The following FAM111B variants were observed in gnomAD, a reference collection of about 807,000 sequenced individuals.
FAM111B encodes the protein serine protease FAM111B.
A neutral mutation model predicts 2.8 loss-of-function variants in FAM111B; 1 was observed. The ratio of observed to expected loss-of-function variants is 0.36; its 90% CI spans 0.13 to 1.70. The LOEUF is 1.70. Ranked by LOEUF, FAM111B falls within the 40% of genes most tolerant of loss-of-function variation. FAM111B has a pLI of 0.35. For synonymous variants in FAM111B, 297 were observed against 295.6 expected (o/e 1.00, Z -0.05); for missense variants, 882 against 878.9 (o/e 1.00, Z -0.04).
At chr11:59,109,291 A>T (rs1859717729) in intron 2 of FAM111B, among the ~76,000 whole-genome samples, 2 of 152,184 alleles carry the variant, frequency 1.3e-5, no homozygotes, top group Non-Finnish European at 2.9e-5. Context: ...GTACTCTGTC[A>T]TACAAGCTCC....
intron 3 of FAM111B, among the ~76,000 whole-genome samples, chr11:59,123,302 A>G (rs1859951720): frequency 6.6e-6 from 1 of 152,216 alleles, no homozygotes; most frequent in Admixed American, 6.5e-5. Flanking sequence ...AATTAGACAG[A>G]ATTTTATCTA....
Position 59,124,734 on chromosome 11 carries a change from A to G in FAM111B, c.637A>G (p.Ile213Val). 1 of 1,613,864 alleles carries G rather than the reference A, an allele frequency of 6.2e-7. No individual in the cohort carries two copies. Among genetic ancestry groups the G allele is most frequent in the Non-Finnish European group, 8.5e-7 (1 of 1,179,804 alleles). Residue 213 changes from isoleucine to valine, a missense_variant, in exon 4 of 4, where the codon ATT (isoleucine) becomes GTT (valine). Coordinates refer to ENST00000343597, the MANE Select transcript of FAM111B (RefSeq NM_198947.4). ...TCATGAAAAAGGAAGTAAACTTTGTATTTATGCCTTGAAGGGTGAGACTAT... is the reference window on the plus strand; with the variant it reads ...TCATGAAAAAGGAAGTAAACTTTGTGTTTATGCCTTGAAGGGTGAGACTAT... Reference protein sequence around the residue: ...ELHEKGSKLCIYALKGETIEG... With the variant: ...ELHEKGSKLCVYALKGETIEG...
chr11:59,109,184 A>G (rs574478548), intron 2 of FAM111B, among the ~76,000 whole-genome samples: 1 of 152,278 alleles, frequency 6.6e-6, no homozygotes, highest in East Asian at 1.9e-4. Flanking sequence ...CCTTTTCAAC[A>G]GTTTCGTTCC....
Position 59,124,833 on chromosome 11 carries a change from CAT to C in FAM111B, c.738_739del (p.His246GlnfsTer12). On this transcript the variant is annotated frameshift_variant, in exon 4 of 4. Transcript: ENST00000343597. LOFTEE classifies it low-confidence loss of function (END_TRUNC). ...ATTTGAATGGAAACTAAAGGAAGGT[CAT>C]AAGAAAATTTATGGAAAACAGTCCA... ...GEFEWKLKEG[H>X]KKIYGKQSMV... is the part of the protein sequence containing the mutation. The C allele has an allele frequency of 6.2e-7, 1 of 1,612,852 alleles. No individual in the cohort carries two copies. The highest frequency in any genetic ancestry group is 1.1e-5 in the South Asian group (1 of 90,992).
intron 3 of FAM111B, 55 bp downstream of exon 3, chr11:59,109,761 A>C (rs958549908): frequency 8.9e-7 from 1 of 1,118,630 alleles, no homozygotes; most frequent in African/African-American, 1.6e-5. Context: ...CTATAGTGCC[A>C]TATGAGGATC....
intron 3 of FAM111B, 170 bp downstream of exon 3, chr11:59,109,876 G>T (rs555653306): frequency 3.0e-5 from 12 of 406,264 alleles, no homozygotes; most frequent in Non-Finnish European, 5.3e-5. Context: ...AAAGCAAAAT[G>T]ATAGAGTTAA....
intron 3 of FAM111B, among the ~76,000 whole-genome samples, chr11:59,122,150 T>A (rs936570613): frequency 2.0e-5 from 3 of 151,956 alleles, no homozygotes; most frequent in East Asian, 1.9e-4. Flanking sequence ...TCAAAAAAAA[T>A]AAATAAATAA....
intron 3 of FAM111B, among the ~76,000 whole-genome samples, chr11:59,117,768 TGAGA>T (rs1447499190): frequency 1.3e-5 from 2 of 152,038 alleles, no homozygotes; most frequent in Non-Finnish European, 2.9e-5. Context: ...GGTTTGGGAG[TGAGA>T]GAGTGACTCC....
chr11:59,111,837 A>G (rs1177434746), intron 3 of FAM111B, among the ~76,000 whole-genome samples: 1 of 152,188 alleles, frequency 6.6e-6, no homozygotes, highest in Non-Finnish European at 1.5e-5. Flanking sequence ...AAAGTAAAGG[A>G]GGCAACAAAG....
At chr11:59,116,334 C>G (rs921382525) in intron 3 of FAM111B, among the ~76,000 whole-genome samples, 1 of 152,186 alleles carries the variant, frequency 6.6e-6, no homozygotes, top group Admixed American at 6.5e-5. Flanking sequence ...TCCAAATATG[C>G]CTGACCACAC....
In FAM111B at chr11:59,125,561, T is replaced by C. The variant is rs1218418924; in HGVS notation, c.1464T>C (p.Cys488=). 1.2e-6 allele frequency: 2 copies of C among 1,613,812 alleles called. No homozygotes were observed. The highest frequency in any genetic ancestry group is 2.7e-5 in the African/African-American group (2 of 74,924). Residue 488 remains cysteine (C), a synonymous_variant, in exon 4 of 4, where the codon TGT becomes TGC. Transcript: ENST00000343597. ...TCAATGGTGGTTATATTTTCACCTG[T>C]CGACATGTTGTACATCTTATGGTGG... ...FVFNGGYIFT[C]RHVVHLMVGK... is the part of the protein sequence containing the mutation.
At chr11:59,111,898 A>G (rs1036748724) in intron 3 of FAM111B, among the ~76,000 whole-genome samples, 4 of 152,218 alleles carry the variant, frequency 2.6e-5, no homozygotes, top group African/African-American at 9.6e-5. Flanking sequence ...ATACAAAAAA[A>G]GATGATAGAA....
intron 3 of FAM111B, among the ~76,000 whole-genome samples, chr11:59,122,725 T>A (rs943559331): frequency 2.6e-5 from 4 of 152,138 alleles, no homozygotes; most frequent in African/African-American, 9.7e-5. Context: ...AATATTAATA[T>A]CTGGAGCTTA....
chr11:59,125,918 A>G lies in FAM111B; in HGVS notation c.1821A>G (p.Gln607=), dbSNP rs139941941. The change falls in exon 4 of 4, where the codon CAA becomes CAG. Residue 607 remains glutamine (Q), a synonymous_variant. Transcript: ENST00000343597. The part of the protein sequence containing the change: ...ERLKKYPNDC[Q]DGLVDLYDTT... ...TGAAAAAATATCCAAACGATTGTCA[A>G]GATGGGTTGGTAGATCTCTATGATA... The G allele has an allele frequency of 1.5e-4, 239 of 1,613,902 alleles. No individual in the cohort carries two copies. The highest frequency in any genetic ancestry group is 1.9e-4 in the Non-Finnish European group (227 of 1,179,844).
chr11:59,124,816 G>A lies in FAM111B; in HGVS notation c.719G>A (p.Trp240Ter). 1.2e-6 allele frequency: 2 copies of A among 1,613,750 alleles called. No homozygotes were observed. Among genetic ancestry groups the A allele is most frequent in the Non-Finnish European group, 1.7e-6 (2 of 1,179,832 alleles). The change falls in exon 4 of 4, where the codon TGG (tryptophan) becomes TAG (stop). Residue 240 changes from tryptophan to a stop codon, truncating the protein, a stop_gained. Transcript: ENST00000343597. LOFTEE classifies it low-confidence loss of function (END_TRUNC). ...CGGTCTGACATAGGTGAATTTGAAT[G>A]GAAACTAAAGGAAGGTCATAAGAAA... Reference protein sequence around the residue: ...RFRSDIGEFEWKLKEGHKKIY... With the variant: ...RFRSDIGEFE
At chr11:59,115,028 T>A (rs1360143947) in intron 3 of FAM111B, among the ~76,000 whole-genome samples, 2 of 151,766 alleles carry the variant, frequency 1.3e-5, no homozygotes, top group Non-Finnish European at 2.9e-5. Context: ...GATGGGAGGG[T>A]GCTTGTTGAC....
chr11:59,115,291 CA>C (rs1449768112), intron 3 of FAM111B, among the ~76,000 whole-genome samples: 1 of 152,182 alleles, frequency 6.6e-6, no homozygotes, highest in Non-Finnish European at 1.5e-5. Context: ...TACAGAAAGT[CA>C]AGGAATAGGA....
In FAM111B at chr11:59,126,117, G is replaced by A; in HGVS notation, c.2020G>A (p.Gly674Arg). Residue 674 changes from glycine to arginine, a missense_variant, in exon 4 of 4, where the codon GGA (glycine) becomes AGA (arginine). Coordinates refer to ENST00000343597, the MANE Select transcript of FAM111B (RefSeq NM_198947.4). ...LHTFGLFYQRGFNVHALIEFG... is the reference protein window; with the variant it reads ...LHTFGLFYQRRFNVHALIEFG... ...TACCTTTGGGCTTTTTTATCAACGA[G>A]GATTTAATGTGCATGCCCTTATTGA... 6.2e-7 allele frequency: 1 copy of A among 1,613,234 alleles called. No individual in the cohort carries two copies. Among genetic ancestry groups the A allele is most frequent in the Non-Finnish European group, 8.5e-7 (1 of 1,179,622 alleles).
At position 59,125,275 on chromosome 11, in the gene FAM111B, C is replaced by T. The variant is rs375744577; in HGVS notation, c.1178C>T (p.Thr393Met). The T allele has an allele frequency of 3.0e-5, 48 of 1,613,700 alleles. No homozygotes were observed. The highest frequency in any genetic ancestry group is 3.9e-5 in the Non-Finnish European group (46 of 1,179,848). The part of the protein sequence containing the change: ...EAINLLKNYQ[T>M]LNEAIMHQYP... ...ATTAATCTCTTAAAGAATTATCAAACGTTGAATGAAGCCATAATGCATCAG... is the reference window on the plus strand; with the variant it reads ...ATTAATCTCTTAAAGAATTATCAAATGTTGAATGAAGCCATAATGCATCAG... The change falls in exon 4 of 4, where the codon ACG becomes ATG. Residue 393 changes from threonine (T) to methionine (M), a missense_variant. Coordinates refer to ENST00000343597, the MANE Select transcript of FAM111B (RefSeq NM_198947.4).
Sources: gnomAD v4.1 joint callset for allele counts (sites outside exome capture counted in the v4.1 genomes callset) on GRCh38, gnomAD v4.1.1 for gene constraint, MANE v1.5 for transcripts, NCBI Gene and HGNC (gene_info 2026-07-23, HGNC 2026-07-21) for gene names.